Variants in KCNQ1 observed in about 807,000 individuals in gnomAD.
KCNQ1 encodes potassium voltage-gated channel subfamily KQT member 1.
KCNQ1 carries 49 observed loss-of-function variants against 72.4 expected under a neutral mutation model. The observed-to-expected ratio is 0.68, with a 90% confidence interval of 0.54 to 0.86. The LOEUF (loss-of-function observed/expected upper bound fraction) is 0.86. KCNQ1 is among the 40% of genes least tolerant of loss of function. KCNQ1 has a pLI of 0.00. For missense variants in KCNQ1, 790 were observed against 945.1 expected, an observed-to-expected ratio of 0.84 and a Z score of 2.15; for synonymous variants, 450 against 412.6, an observed-to-expected ratio of 1.09 and a Z score of -1.10.
chr11:2,620,996 G>C lies in KCNQ1; in HGVS notation c.1393+32142G>C. 1 of 374,948 alleles carries C rather than the reference G, an allele frequency of 2.7e-6. No homozygotes were observed. Among genetic ancestry groups the C allele is most frequent in the Admixed American group, 5.1e-5 (1 of 19,570 alleles). 23.2% of individuals were successfully genotyped at this position (374,948 alleles called of 1,614,324 possible). A position where few individuals can be genotyped will look rare whatever the true frequency, so the allele number is the denominator to read the frequency against. On this transcript the variant is annotated intron_variant, in intron 10 of 15. Coordinates refer to ENST00000155840, the MANE Select transcript of KCNQ1 (RefSeq NM_000218.3). The surrounding 1 kb of genome is among the most constrained non-coding windows in gnomAD (Gnocchi z 4.5). Reference sequence around the variant, plus strand: ...TTTTTTGTTTGTTTGTTTGTTTTTTGAGAAAGAGTCTTGCTCTGTCTCCCA... The same window carrying C: ...TTTTTTGTTTGTTTGTTTGTTTTTTCAGAAAGAGTCTTGCTCTGTCTCCCA...
At chr11:2,578,755 G>C (rs2133743026) in intron 6 of KCNQ1, among the ~76,000 whole-genome samples, 1 of 152,366 alleles carries the variant, frequency 6.6e-6, no homozygotes, top group Admixed American at 6.5e-5. Context: ...CCTCCTCACG[G>C]GCAGGCTGGG....
At chr11:2,640,562 CT>C (rs58881533) in intron 10 of KCNQ1, 5,899 of 374,024 alleles carry the variant, frequency 0.016, 8 homozygotes, top group South Asian at 0.028. Context: ...CTGGGATTTC[CT>C]TTTTTTTTTT....
At chr11:2,467,291 G>A (rs1339313625) in intron 1 of KCNQ1, among the ~76,000 whole-genome samples, 3 of 152,162 alleles carry the variant, frequency 2.0e-5, no homozygotes, top group Non-Finnish European at 4.4e-5. Flanking sequence ...CTTGGTGTCC[G>A]GCAGGGAGGC....
In KCNQ1 at chr11:2,623,514, C is replaced by A. The variant is rs1849209138; in HGVS notation, c.1393+34660C>A. 1 of 398,484 alleles carries A rather than the reference C, an allele frequency of 2.5e-6. No individual in the cohort carries two copies. The highest frequency in any genetic ancestry group is 4.4e-6 in the Non-Finnish European group (1 of 226,066). The allele number at this position is 398,484 out of a possible 1,614,324, so 24.7% of individuals were successfully genotyped here. A position where few individuals can be genotyped will look rare whatever the true frequency, so the allele number is the denominator to read the frequency against. On this transcript the variant is annotated intron_variant, in intron 10 of 15. Coordinates refer to ENST00000155840, the MANE Select transcript of KCNQ1 (RefSeq NM_000218.3). This position sits in a 1 kb window ranked among gnomAD's most constrained non-coding sequence, Gnocchi z 5.2. ...TTCTAAAATGCAATATGATTGGAAT[C>A]ATACAGTATGTAGTTTCTTCAGATT...
intron 1 of KCNQ1, among the ~76,000 whole-genome samples, chr11:2,455,249 C>T (rs897457540): frequency 6.6e-6 from 1 of 152,158 alleles, no homozygotes; most frequent in Non-Finnish European, 1.5e-5. Context: ...AGGCGTCTGC[C>T]ACCACGCCCG....
In KCNQ1 at chr11:2,828,811, C is replaced by T. The variant is rs1047937922; in HGVS notation, c.1795-18956C>T. ...ACTTCCCTCATCAACTCCCAGAATGCCCGGTGGGGCACACCATTGTTTTCA... is the reference window on the plus strand; with the variant it reads ...ACTTCCCTCATCAACTCCCAGAATGTCCGGTGGGGCACACCATTGTTTTCA... On this transcript the variant is annotated intron_variant, in intron 15 of 15. Transcript: ENST00000155840. The surrounding 1 kb of genome is among the most constrained non-coding windows in gnomAD (Gnocchi z 5.3). 6.6e-6 allele frequency among the ~76,000 whole-genome samples: 1 copy of T among 152,216 alleles called. No individual in the cohort carries two copies. Among genetic ancestry groups the T allele is most frequent in the Admixed American group, 6.5e-5 (1 of 15,284 alleles).
At chr11:2,525,670 G>C (rs1303643488) in intron 1 of KCNQ1, among the ~76,000 whole-genome samples, 1 of 152,250 alleles carries the variant, frequency 6.6e-6, no homozygotes, top group Non-Finnish European at 1.5e-5. Context: ...GAGGGGTAGG[G>C]CTGCATGCCA....
At chr11:2,540,205 G>T (rs1017118155) in intron 2 of KCNQ1, among the ~76,000 whole-genome samples, 1 of 152,170 alleles carries the variant, frequency 6.6e-6, no homozygotes, top group African/African-American at 2.4e-5. Flanking sequence ...GCCTGGGGAG[G>T]GGGCTGGGCA....
chr11:2,807,763 G>C lies in KCNQ1; in HGVS notation c.1794+29726G>C, dbSNP rs376227491. ...CCTCCCTGACTTCCTCCCACCTACC[G>C]GCCTCTTCCGACCTCTCTCTGCCTC... On this transcript the variant is annotated intron_variant, in intron 15 of 15. Coordinates refer to ENST00000155840, the MANE Select transcript of KCNQ1 (RefSeq NM_000218.3). Among the ~76,000 whole-genome samples the C allele has an allele frequency of 1.2e-4, 16 of 138,008 alleles. No individual in the cohort carries two copies. In the East Asian group the frequency reaches 3.1e-3, roughly 26 times the overall value. The allele number at this position is 138,008 out of a possible 152,430, so 90.5% of individuals were successfully genotyped here. A position where few individuals can be genotyped will look rare whatever the true frequency, so the allele number is the denominator to read the frequency against.
rs1034726717 is a variant in KCNQ1, at chr11:2,550,094, G to A, written c.478-20534G>A. Among the ~76,000 whole-genome samples the A allele has an allele frequency of 1.3e-5, 2 of 152,150 alleles. No individual in the cohort carries two copies. The highest frequency in any genetic ancestry group is 2.9e-5 in the Non-Finnish European group (2 of 68,018). ...TGTGGATGTATCTGTATGTCTTTGC[G>A]GAGCTCAGATGAGAGATGCTCAGAG... On this transcript the variant is annotated intron_variant, in intron 2 of 15. Coordinates refer to ENST00000155840, the MANE Select transcript of KCNQ1 (RefSeq NM_000218.3). This position sits in a 1 kb window ranked among gnomAD's most constrained non-coding sequence, Gnocchi z 6.0.
chr11:2,624,742 C>G lies in KCNQ1; in HGVS notation c.1393+35888C>G, dbSNP rs754490385. 161 of 397,960 alleles carry G rather than the reference C, an allele frequency of 4.0e-4. 1 individual carries two copies. The highest frequency in any genetic ancestry group is 2.5e-3 in the Middle Eastern group (4 of 1,586). 24.7% of individuals were successfully genotyped at this position (397,960 alleles called of 1,614,324 possible). On this transcript the variant is annotated intron_variant, in intron 10 of 15. Coordinates refer to ENST00000155840, the MANE Select transcript of KCNQ1 (RefSeq NM_000218.3). This position sits in a 1 kb window ranked among gnomAD's most constrained non-coding sequence, Gnocchi z 4.9. ...TATCCATTAAACAATAATTCCCCAA[C>G]CCCCCCACCACCGCCATCTCTTGGA...
chr11:2,749,809 T>C (rs1032285667), intron 11 of KCNQ1, among the ~76,000 whole-genome samples: 1 of 150,406 alleles, frequency 6.6e-6, no homozygotes, highest in Non-Finnish European at 1.5e-5. Context: ...CGAGACTCCA[T>C]CTCAAAAAAT....
chr11:2,732,588 C>T (rs137984929), intron 11 of KCNQ1, among the ~76,000 whole-genome samples: 14 of 152,306 alleles, frequency 9.2e-5, no homozygotes, highest in South Asian at 2.1e-4. Flanking sequence ...CGAAGGGGCC[C>T]GAGGCACCGG....
Position 2,776,923 on chromosome 11 carries a change from C to T in KCNQ1, c.1686-63C>T, listed in dbSNP as rs548374242. 4.4e-5 allele frequency: 66 copies of T among 1,495,604 alleles called. 1 individual carries two copies. In the South Asian group the frequency reaches 4.4e-4, roughly 10 times the overall value. The allele number at this position is 1,495,604 out of a possible 1,614,324, so 92.6% of individuals were successfully genotyped here. On this transcript the variant is annotated intron_variant, in intron 13 of 15. Coordinates refer to ENST00000155840, the MANE Select transcript of KCNQ1 (RefSeq NM_000218.3). Reference sequence around the variant, plus strand: ...CACGTCAAGCTGTCTGTCCCACAGACGACAGTGCATCTGCGCAGTGCCAGG... The same window carrying T: ...CACGTCAAGCTGTCTGTCCCACAGATGACAGTGCATCTGCGCAGTGCCAGG...
intron 10 of KCNQ1, chr11:2,640,491 G>A (rs1849556128): frequency 2.5e-6 from 1 of 397,886 alleles, no homozygotes; most frequent in Non-Finnish European, 4.4e-6. Context: ...GTGCATTGTT[G>A]CCCAGGCTGG....
Position 2,458,439 on chromosome 11 carries a change from G to T in KCNQ1, c.386+12955G>T, listed in dbSNP as rs1846226487. The stretch of plus-strand genomic sequence containing the variant: ...AACTGTAACTCGGGGAAACCCAGTA[G>T]CTGATGGGGTTGCGTCCTTCTTTGG... On this transcript the variant is annotated intron_variant, in intron 1 of 15. Transcript: ENST00000155840. This position sits in a 1 kb window ranked among gnomAD's most constrained non-coding sequence, Gnocchi z 4.6. Among the ~76,000 whole-genome samples, 1 of 152,236 alleles carries T rather than the reference G, an allele frequency of 6.6e-6. No individual in the cohort carries two copies. Among genetic ancestry groups the T allele is most frequent in the African/African-American group, 2.4e-5 (1 of 41,462 alleles).
rs1470479871 is a variant in KCNQ1, at chr11:2,830,985, T to A, written c.1795-16782T>A. ...AGGCAGGACAGGGAAGTGGTGATGATGAGAGGCAGCTGGTCTGGGTGCTCA... is the reference window on the plus strand; with the variant it reads ...AGGCAGGACAGGGAAGTGGTGATGAAGAGAGGCAGCTGGTCTGGGTGCTCA... On this transcript the variant is annotated intron_variant, in intron 15 of 15. Transcript: ENST00000155840. This position sits in a 1 kb window ranked among gnomAD's most constrained non-coding sequence, Gnocchi z 7.7. Among the ~76,000 whole-genome samples, 1 of 152,204 alleles carries A rather than the reference T, an allele frequency of 6.6e-6. No individual in the cohort carries two copies.
chr11:2,640,652 T>C (rs1444883040), intron 10 of KCNQ1: 5 of 398,084 alleles, frequency 1.3e-5, no homozygotes, highest in Non-Finnish European at 2.2e-5. Flanking sequence ...CAAGTCAGGG[T>C]ATCCATCACC....
Position 2,468,594 on chromosome 11 carries a change from C to A in KCNQ1, c.386+23110C>A, listed in dbSNP as rs915035064. Among the ~76,000 whole-genome samples, 1 of 152,206 alleles carries A rather than the reference C, an allele frequency of 6.6e-6. No homozygotes were observed. Among genetic ancestry groups the A allele is most frequent in the African/African-American group, 2.4e-5 (1 of 41,454 alleles). ...CCCTCACAGCGTCCCCCTGTCCCCA[C>A]GACCAGGCCACTGCTGCCCTACCAT... On this transcript the variant is annotated intron_variant, in intron 1 of 15. Transcript: ENST00000155840. This position sits in a 1 kb window ranked among gnomAD's most constrained non-coding sequence, Gnocchi z 5.7.
Sources: gnomAD v4.1 joint callset for allele counts (sites outside exome capture counted in the v4.1 genomes callset) on GRCh38, gnomAD v4.1.1 for gene constraint, Gnocchi (gnomAD v3.1) non-coding constraint, MANE v1.5 for transcripts, NCBI Gene and HGNC (gene_info 2026-07-23, HGNC 2026-07-21) for gene names.